FIG4: variants seen among roughly 807,000 people sequenced by gnomAD.
FIG4 encodes FIG4 phosphoinositide 5-phosphatase.
Under a neutral mutation model 118.6 loss-of-function variants are expected in FIG4, and 112 were observed. The observed-to-expected ratio is 0.94, with a 90% CI of 0.81 to 1.11. The LOEUF (loss-of-function observed/expected upper bound fraction) is 1.11, where lower values mean the gene tolerates loss of function less well. FIG4 is among the 50% of genes least tolerant of loss of function. The pLI, the probability that FIG4 is intolerant of heterozygous loss-of-function variation, is 0.00. For synonymous variants in FIG4, 369 were observed against 381.2 expected, an observed-to-expected ratio of 0.97 and a Z score of 0.37; for missense variants, 969 against 1,111.7, an observed-to-expected ratio of 0.87 and a Z score of 1.83.
chr6:109,742,461 G>A (rs1364816974), intron 8 of FIG4, among the ~76,000 whole-genome samples: 1 of 152,074 alleles, frequency 6.6e-6, no homozygotes, highest in Middle Eastern at 3.2e-3. Flanking sequence ...GACAGATTGA[G>A]TGAGGCACTG....
At chr6:109,776,173 A>G (rs1777612452) in intron 15 of FIG4, among the ~76,000 whole-genome samples, 1 of 152,240 alleles carries the variant, frequency 6.6e-6, no homozygotes, top group Admixed American at 6.5e-5. Context: ...ACTTCAGTGC[A>G]TATTATCATT....
At chr6:109,727,333 GGC>G in intron 4 of FIG4, 68 bp downstream of exon 4, 1 of 1,296,394 alleles carries the variant, frequency 7.7e-7, no homozygotes, top group Non-Finnish European at 1.1e-6. Context: ...CAGGCTGGAA[GGC>G]TGGAATATAA....
intron 16 of FIG4, among the ~76,000 whole-genome samples, chr6:109,780,114 C>T (rs990955185): frequency 6.6e-6 from 1 of 152,194 alleles, no homozygotes; most frequent in Non-Finnish European, 1.5e-5. Flanking sequence ...ATCATTAAAA[C>T]AGAGACAATA....
chr6:109,731,047 G>A (rs1775984973), intron 4 of FIG4, among the ~76,000 whole-genome samples: 1 of 152,102 alleles, frequency 6.6e-6, no homozygotes, highest in Non-Finnish European at 1.5e-5. Context: ...ACATAACTGA[G>A]AAATGATTAA....
At chr6:109,799,735 G>C (rs774931496) in intron 22 of FIG4, among the ~76,000 whole-genome samples, 1 of 152,156 alleles carries the variant, frequency 6.6e-6, no homozygotes, top group African/African-American at 2.4e-5. Flanking sequence ...TGGAACAGGG[G>C]CTCTTGAAAT....
intron 1 of FIG4, among the ~76,000 whole-genome samples, chr6:109,705,578 C>A (rs994417793): frequency 2.0e-5 from 3 of 152,056 alleles, no homozygotes; most frequent in African/African-American, 7.2e-5. Context: ...TCCTCTGATT[C>A]ATGGATTCTT....
At chr6:109,816,714 T>G (rs1053013892) in intron 22 of FIG4, among the ~76,000 whole-genome samples, 1 of 152,190 alleles carries the variant, frequency 6.6e-6, no homozygotes, top group Non-Finnish European at 1.5e-5. Flanking sequence ...ACGATAATTC[T>G]GTAAATCTAA....
chr6:109,786,752 C>T (rs1777970218), intron 18 of FIG4, among the ~76,000 whole-genome samples: 1 of 152,090 alleles, frequency 6.6e-6, no homozygotes, highest in South Asian at 2.1e-4. Context: ...TGAGAGTTGA[C>T]ATAAATTAGT....
rs75109121 is a variant in FIG4, at chr6:109,740,413, A to G, written c.776-1031A>G. ...GAGTAGCTTTTGATAAGAGTAGTTT[A>G]TGAATACTACAGGCCAGGCACTAGT... On this transcript the variant is annotated intron_variant, in intron 7 of 22. Transcript: ENST00000230124. Among the ~76,000 whole-genome samples the G allele has an allele frequency of 9.6e-3, 1,460 of 152,254 alleles. 29 individuals carry two copies. Among genetic ancestry groups the G allele is most frequent in the African/African-American group, 0.033 (1,388 of 41,554 alleles).
chr6:109,713,265 G>A (rs1775325096), intron 1 of FIG4, among the ~76,000 whole-genome samples: 1 of 152,234 alleles, frequency 6.6e-6, no homozygotes, highest in Admixed American at 6.5e-5. Flanking sequence ...GCAGGTGCCT[G>A]CCTCCATGTG....
intron 11 of FIG4, 49 bp downstream of exon 11, chr6:109,760,432 T>A: frequency 2.6e-6 from 4 of 1,544,520 alleles, no homozygotes; most frequent in Non-Finnish European, 3.6e-6. Context: ...TTTCTTGTGA[T>A]GAGAAATAAC....
In FIG4 at chr6:109,791,503, G is replaced by A. The variant is rs779329699; in HGVS notation, c.2308G>A (p.Gly770Ser). 1.9e-6 allele frequency: 3 copies of A among 1,613,938 alleles called. No homozygotes were observed. The highest frequency in any genetic ancestry group is 1.3e-5 in the African/African-American group (1 of 74,930). The change falls in exon 20 of 23, where the codon GGC (glycine) becomes AGC (serine). Residue 770 changes from glycine (G) to serine (S), a missense_variant. Gly to Ser is a moderately conservative substitution (Grantham distance 56). Transcript: ENST00000230124. ...CTCTGGGACTGATCGGGAAGAAGAG[G>A]GCTCTGTGTCTCAGCGCTCCACTCC... ...DDSGTDREEE[G>S]SVSQRSTPVK... is the part of the protein sequence containing the mutation.
intron 1 of FIG4, among the ~76,000 whole-genome samples, chr6:109,698,351 A>G (rs754815711): frequency 7.9e-5 from 12 of 152,212 alleles, no homozygotes; most frequent in Non-Finnish European, 1.6e-4. Context: ...GAATTTTACA[A>G]TAGGCTTGTC....
Position 109,825,229 on chromosome 6 carries a change from C to T in FIG4, c.2688C>T (p.Ser896=), listed in dbSNP as rs1306302536. The T allele has an allele frequency of 1.9e-6, 3 of 1,613,992 alleles. No homozygotes were observed. Among genetic ancestry groups the T allele is most frequent in the South Asian group, 1.1e-5 (1 of 91,084 alleles). ...AGCCCCTAGGAAAAGAGGACTCCTC[C>T]ATGTACCGAGAGTACATCAGGAACC... ...IMQPLGKEDS[S]MYREYIRNRY... Residue 896 remains serine (S), a synonymous_variant, in exon 23 of 23, where the codon TCC becomes TCT. Transcript: ENST00000230124.
rs748869342 is a variant in FIG4 at position 109,716,454 on chromosome 6, A to G, written c.175A>G (p.Thr59Ala). The change falls in exon 3 of 23, where the codon ACT becomes GCT. Residue 59 changes from threonine to alanine, a missense_variant. By Grantham distance (58) the Thr-to-Ala change is moderately conservative (BLOSUM62 0). Transcript: ENST00000230124. ...ATGTGCTTATTCTTAGCATGTCTAT[A>G]CTCAACAAGAAGTAAGGGAACTTCT... The part of the protein sequence containing the change: ...LVIIDDRHVY[T>A]QQEVRELLGR... The G allele has an allele frequency of 7.4e-6, 12 of 1,613,738 alleles. No homozygotes were observed. The highest frequency in any genetic ancestry group is 9.3e-6 in the Non-Finnish European group (11 of 1,179,686).
intron 22 of FIG4, among the ~76,000 whole-genome samples, chr6:109,799,387 T>A (rs1005978098): frequency 6.6e-6 from 1 of 152,244 alleles, no homozygotes; most frequent in African/African-American, 2.4e-5. Context: ...CACGCACGTG[T>A]GCACAGGGAC....
At chr6:109,791,099 G>A (rs886382987) in intron 19 of FIG4, among the ~76,000 whole-genome samples, 6 of 152,138 alleles carry the variant, frequency 3.9e-5, no homozygotes, top group Admixed American at 2.0e-4. Flanking sequence ...ACCAAAGGAA[G>A]GCATGGTAAC....
At chr6:109,739,349 C>G (rs1776254430) in intron 7 of FIG4, among the ~76,000 whole-genome samples, 1 of 152,114 alleles carries the variant, frequency 6.6e-6, no homozygotes, top group African/African-American at 2.4e-5. Flanking sequence ...CATGTACCAT[C>G]TAGAAGTGGT....
intron 6 of FIG4, among the ~76,000 whole-genome samples, chr6:109,737,852 C>A (rs1472664051): frequency 6.6e-6 from 1 of 152,088 alleles, no homozygotes; most frequent in Non-Finnish European, 1.5e-5. Context: ...TTAAAACAAC[C>A]ACGTGGTACA....
Sources: gnomAD v4.1 joint callset for allele counts (sites outside exome capture counted in the v4.1 genomes callset) on GRCh38, gnomAD v4.1.1 for gene constraint, MANE v1.5 for transcripts, NCBI Gene and HGNC (gene_info 2026-07-23, HGNC 2026-07-21) for gene names.